LRP4: variants seen among roughly 807,000 people sequenced by gnomAD.
The protein encoded by LRP4 is LDL receptor related protein 4, also known as low-density lipoprotein receptor-related protein 4.
In LRP4, 95 loss-of-function variants were observed where a neutral mutation model predicts 220.3. The observed-to-expected ratio is 0.43, with a 90% CI of 0.37 to 0.51. The LOEUF (loss-of-function observed/expected upper bound fraction) is 0.51. Ranked by LOEUF, LRP4 falls within the 20% of genes least tolerant of loss-of-function variation. The probability of loss-of-function intolerance (pLI) is 0.00; values close to 1 mark genes in which losing one functional copy is unlikely to be tolerated. For missense variants in LRP4, 1,925 were observed against 2,567.0 expected (o/e 0.75, Z 5.40); for synonymous variants, 903 against 954.6 (o/e 0.95, Z 1.00).
intron 2 of LRP4, 103 bp from the exon 3 acceptor site, chr11:46,900,481 T>A (rs1670879526): frequency 1.3e-6 from 1 of 799,786 alleles, no homozygotes; most frequent in Non-Finnish European, 2.2e-6. Context: ...TGTCTTTTTT[T>A]CTTTTTTTGA....
intron 1 of LRP4, among the ~76,000 whole-genome samples, chr11:46,916,393 T>C (rs1232275208): frequency 6.6e-6 from 1 of 152,096 alleles, no homozygotes; most frequent in African/African-American, 2.4e-5. Context: ...TGAGCTATGA[T>C]TGCCCCACTG....
rs1219926440 is a variant in LRP4 at position 46,889,490 on chromosome 11, C to A, written c.2136G>T (p.Leu712=). 2 of 1,614,024 alleles carry A rather than the reference C, an allele frequency of 1.2e-6. No individual in the cohort carries two copies. The highest frequency in any genetic ancestry group is 1.7e-6 in the Non-Finnish European group (2 of 1,180,050). ...TGTAGTTCTGGCCACTGGGCAGACA[C>A]AGGTGCGTGCAGCCTCCGTTGTTGT... ...CGDNNGGCTH[L]CLPSGQNYTC... Residue 712 remains leucine (L), a synonymous_variant, in exon 16 of 38, where the codon CTG becomes CTT. Transcript: ENST00000378623.
At chr11:46,891,175 A>G (rs1245246093) in intron 13 of LRP4, among the ~76,000 whole-genome samples, 1 of 151,912 alleles carries the variant, frequency 6.6e-6, no homozygotes, top group East Asian at 1.9e-4. Context: ...ATGCAGTGGC[A>G]CGATTTCAGC....
intron 22 of LRP4, among the ~76,000 whole-genome samples, chr11:46,878,037 C>T (rs965735398): frequency 3.3e-5 from 5 of 152,134 alleles, no homozygotes; most frequent in African/African-American, 1.2e-4. Context: ...TCCTTTCTCA[C>T]TCAAATTCCC....
At position 46,861,523 on chromosome 11, in the gene LRP4, C is replaced by CTT. The variant is rs576719115; in HGVS notation, c.5385+1081_5385+1082dup. Among the ~76,000 whole-genome samples the CTT allele has an allele frequency of 1.8e-3, 154 of 83,480 alleles. 10 individuals are homozygous for CTT. Among genetic ancestry groups the CTT allele is most frequent in the African/African-American group, 3.9e-3 (82 of 21,260 alleles). The allele number at this position is 83,480 out of a possible 152,430, so 54.8% of individuals were successfully genotyped here. A position where few individuals can be genotyped will look rare whatever the true frequency, so the allele number is the denominator to read the frequency against. ...AGTTAGTTTCCTTGTGGAAATGGGA[C>CTT]TTTTTTTTTTTTTTTTTTTTTTGAG... On this transcript the variant is annotated intron_variant, in intron 37 of 37. Transcript: ENST00000378623.
chr11:46,910,357 C>T (rs896915382), intron 1 of LRP4, among the ~76,000 whole-genome samples: 4 of 152,146 alleles, frequency 2.6e-5, no homozygotes, highest in African/African-American at 4.8e-5. Context: ...AATCCCCTAA[C>T]TTACAGGAAT....
chr11:46,870,288 A>C (rs1277910467), intron 31 of LRP4, among the ~76,000 whole-genome samples: 1 of 152,180 alleles, frequency 6.6e-6, no homozygotes, highest in Admixed American at 6.5e-5. Flanking sequence ...AACAACAACA[A>C]AACAAACAAA....
At chr11:46,860,274 A>G (rs550512708) in intron 37 of LRP4, among the ~76,000 whole-genome samples, 19 of 152,018 alleles carry the variant, frequency 1.2e-4, no homozygotes, top group African/African-American at 4.3e-4. Flanking sequence ...AAACTAAAAA[A>G]AAGGAAATCT....
chr11:46,907,168 G>T (rs1941775307), intron 1 of LRP4, among the ~76,000 whole-genome samples: 1 of 152,198 alleles, frequency 6.6e-6, no homozygotes, highest in Non-Finnish European at 1.5e-5. Flanking sequence ...TGTTGAATTA[G>T]AACACTTCAC....
Position 46,879,184 on chromosome 11 carries a change from C to A in LRP4, c.2946G>T (p.Leu982=). 1.2e-6 allele frequency: 2 copies of A among 1,614,224 alleles called. No individual in the cohort carries two copies. Among genetic ancestry groups the A allele is most frequent in the Non-Finnish European group, 8.5e-7 (1 of 1,180,044 alleles). The change falls in exon 21 of 38, where the codon CTG becomes CTT. Residue 982 remains leucine (L), a synonymous_variant. Coordinates refer to ENST00000378623, the MANE Select transcript of LRP4 (RefSeq NM_002334.4). ...CCATTAGGTTTTCCAGGTTCTCCTGCAGAGTCTCCCGGTCCAGCCCTGTCA... is the reference window on the plus strand; with the variant it reads ...CCATTAGGTTTTCCAGGTTCTCCTGAAGAGTCTCCCGGTCCAGCCCTGTCA... ...DRLTGLDRET[L]QENLENLMDI...
rs747676408 is a variant in LRP4 at position 46,879,068 on chromosome 11, G to GGA, written c.3005-32_3005-31dup. 8.1e-6 allele frequency: 13 copies of GGA among 1,614,248 alleles called. No homozygotes were observed. The Admixed American group carries it at 2.0e-4, about 25-fold the overall frequency. ...GTAGAGAGGAGGGGATGTTCAATGG[G>GGA]GAGAGCTAGGGCATAGGAGGGCCAC... On this transcript the variant is annotated intron_variant, in intron 21 of 37. Coordinates refer to ENST00000378623, the MANE Select transcript of LRP4 (RefSeq NM_002334.4).
intron 1 of LRP4, among the ~76,000 whole-genome samples, chr11:46,914,585 G>A (rs1240344403): frequency 6.6e-6 from 1 of 152,192 alleles, no homozygotes; most frequent in East Asian, 1.9e-4. Flanking sequence ...AGGAGGGGAG[G>A]AGGGCTTCCG....
rs1592533162 is a variant in LRP4 at position 46,886,448 on chromosome 11, G to C, written c.2301C>G (p.Ile767Met). Reference sequence around the variant, plus strand: ...CAGCACTGCGCACGTCAGCCAGTGGGATGACATCATCAGACAGGTCCTCTG... The same window carrying C: ...CAGCACTGCGCACGTCAGCCAGTGGCATGACATCATCAGACAGGTCCTCTG... ...FDTEDLSDDV[I>M]PLADVRSAVA... Residue 767 changes from isoleucine to methionine, a missense_variant, in exon 17 of 38, where the codon ATC becomes ATG. By Grantham distance (10) the Ile-to-Met change is conservative. Transcript: ENST00000378623. The C allele has an allele frequency of 6.2e-7, 1 of 1,614,082 alleles. No individual in the cohort carries two copies.
intron 15 of LRP4, 122 bp downstream of exon 15, chr11:46,889,822 G>A (rs1267242643): frequency 2.7e-6 from 3 of 1,130,844 alleles, no homozygotes; most frequent in East Asian, 2.4e-5. Flanking sequence ...CCATGTCAGT[G>A]CCCTGCTGGA....
In LRP4 at chr11:46,875,037, A is replaced by C; in HGVS notation, c.3992T>G (p.Phe1331Cys). The change falls in exon 28 of 38, where the codon TTC becomes TGC. Residue 1331 changes from phenylalanine to cysteine, a missense_variant. Phe to Cys is a radical substitution (Grantham distance 205). Coordinates refer to ENST00000378623, the MANE Select transcript of LRP4 (RefSeq NM_002334.4). This position sits in a 1 kb window ranked among gnomAD's most constrained non-coding sequence, Gnocchi z 4.5. ...SHLCLPRPSG[F>C]SCACPTGIQL... ...GATGCCAGTGGGGCAGGCACAGGAGAAGCCAGAAGGCCGAGGCAAGCAGAG... is the reference window on the plus strand; with the variant it reads ...GATGCCAGTGGGGCAGGCACAGGAGCAGCCAGAAGGCCGAGGCAAGCAGAG... 6.2e-7 allele frequency: 1 copy of C among 1,614,046 alleles called. No homozygotes were observed. The highest frequency in any genetic ancestry group is 1.1e-5 in the South Asian group (1 of 91,080).
intron 36 of LRP4, among the ~76,000 whole-genome samples, chr11:46,863,279 C>A (rs1940605265): frequency 1.3e-5 from 2 of 152,188 alleles, no homozygotes; most frequent in African/African-American, 4.8e-5. Context: ...ATCCAGATTT[C>A]TGACCCATAG....
intron 7 of LRP4, 25 bp from the exon 8 acceptor site, chr11:46,897,019 A>C: frequency 1.9e-6 from 3 of 1,613,990 alleles, no homozygotes; most frequent in Non-Finnish European, 1.7e-6. Context: ...GGCTTAATGA[A>C]AGGTGGGCCC....
intron 18 of LRP4, 77 bp downstream of exon 18, chr11:46,886,014 T>C: frequency 8.3e-7 from 1 of 1,210,910 alleles, no homozygotes; most frequent in Non-Finnish European, 1.2e-6. Context: ...GACACTGGGC[T>C]CCTTCTATCT....
At chr11:46,913,199 A>C (rs1941893411) in intron 1 of LRP4, among the ~76,000 whole-genome samples, 1 of 152,214 alleles carries the variant, frequency 6.6e-6, no homozygotes. Flanking sequence ...GCAGTGAAAG[A>C]ATGAAGTCTG....
Sources: allele counts gnomAD v4.1 joint callset (sites outside exome capture counted in the v4.1 genomes callset), GRCh38; gene constraint gnomAD v4.1.1; non-coding constraint Gnocchi (gnomAD v3.1); transcripts MANE v1.5; gene names NCBI Gene and HGNC (gene_info 2026-07-23, HGNC 2026-07-21).